Variants in TNRC6B observed in about 807,000 individuals in gnomAD.
TNRC6B encodes trinucleotide repeat containing adaptor 6B, also known as trinucleotide repeat-containing gene 6B protein.
In TNRC6B, 52 loss-of-function variants were observed where a neutral mutation model predicts 203.6. The ratio of observed to expected loss-of-function variants is 0.26; its 90% CI spans 0.20 to 0.32. The LOEUF is 0.32. TNRC6B is among the 10% of genes least tolerant of loss of function. The pLI is 1.00. For synonymous variants in TNRC6B, 838 were observed against 845.7 expected (o/e 0.99, Z 0.16); for missense variants, 1,923 against 2,286.2 (o/e 0.84, Z 3.24).
rs2070103193 is a variant in TNRC6B, at chr22:40,246,093, C to T, written c.84C>T (p.Ala28=). 3.9e-6 allele frequency: 6 copies of T among 1,548,068 alleles called. No individual in the cohort carries two copies. The Admixed American group carries it at 7.9e-5, about 20-fold the overall frequency. ...RKKEDKKKKE[A]TQKVTEQKTK... is the part of the protein sequence containing the mutation. Reference sequence around the variant, plus strand: ...AAGAGGATAAAAAGAAAAAAGAAGCCACTCAGAAGGTAGGTTTAATCAGTT... The same window carrying T: ...AAGAGGATAAAAAGAAAAAAGAAGCTACTCAGAAGGTAGGTTTAATCAGTT... Residue 28 remains alanine, a synonymous_variant, in exon 2 of 23, where the codon GCC becomes GCT. Transcript: ENST00000454349.
At chr22:40,280,750 A>T (rs1370990431) in intron 10 of TNRC6B, among the ~76,000 whole-genome samples, 1 of 152,242 alleles carries the variant, frequency 6.6e-6, no homozygotes, top group Non-Finnish European at 1.5e-5. Context: ...ACGTTTTGAC[A>T]CTGTTGTTGC....
chr22:40,210,821 T>C (rs1263800722), intron 1 of TNRC6B, among the ~76,000 whole-genome samples: 1 of 152,194 alleles, frequency 6.6e-6, no homozygotes, highest in African/African-American at 2.4e-5. Context: ...TTCAAAACCT[T>C]GGAAATGACA....
At chr22:40,105,129 T>G (rs2068272065) in intron 1 of TNRC6B, among the ~76,000 whole-genome samples, 1 of 152,024 alleles carries the variant, frequency 6.6e-6, no homozygotes, top group Admixed American at 6.6e-5. Flanking sequence ...AAAAGATGGG[T>G]GGTAAGGAAT....
chr22:40,301,401 A>T, intron 15 of TNRC6B, 68 bp downstream of exon 15: 1 of 1,474,098 alleles, frequency 6.8e-7, no homozygotes, highest in Non-Finnish European at 9.2e-7. Flanking sequence ...TAGGGGTTGC[A>T]CCTGCATTAC....
chr22:40,176,098 A>C (rs1601859981), upstream of TNRC6B, among the ~76,000 whole-genome samples: 1 of 150,178 alleles, frequency 6.7e-6, no homozygotes, highest in South Asian at 2.1e-4. Context: ...GGTGGAGTCG[A>C]TAGTCACAGG....
At chr22:40,295,728 G>GC (rs2070930180) in intron 12 of TNRC6B, among the ~76,000 whole-genome samples, 1 of 148,138 alleles carries the variant, frequency 6.8e-6, no homozygotes, top group Middle Eastern at 3.4e-3. Context: ...GCTGAGACTT[G>GC]CAAAAAAAAA....
At chr22:40,080,263 A>T (rs1342322478) in intron 1 of TNRC6B, among the ~76,000 whole-genome samples, 8 of 150,472 alleles carry the variant, frequency 5.3e-5, no homozygotes, top group Non-Finnish European at 7.4e-5. Context: ...TTTTTAATGG[A>T]TAACCAGTTG....
chr22:40,135,958 C>T (rs1049027284), intron 3 of TNRC6B, among the ~76,000 whole-genome samples: 2 of 152,130 alleles, frequency 1.3e-5, no homozygotes, highest in Non-Finnish European at 2.9e-5. Flanking sequence ...ATTTAATAGG[C>T]CTACTTCAGC....
At position 40,266,249 on chromosome 22, in the gene TNRC6B, C is replaced by T; in HGVS notation, c.2019C>T (p.Ser673=). ...SGGWGDAPSQ[S]NQMKSGWGEL... ...GCTGGGGAGATGCACCCAGCCAAAG[C>T]AATCAAATGAAGTCTGGATGGGGGG... The change falls in exon 5 of 23, where the codon AGC becomes AGT. Residue 673 remains serine (S), a synonymous_variant. Transcript: ENST00000454349. 6.3e-7 allele frequency: 1 copy of T among 1,599,120 alleles called. No homozygotes were observed. Among genetic ancestry groups the T allele is most frequent in the Non-Finnish European group, 8.5e-7 (1 of 1,172,420 alleles).
chr22:40,305,183 G>C (rs142212659), intron 15 of TNRC6B, among the ~76,000 whole-genome samples: 13 of 152,308 alleles, frequency 8.5e-5, no homozygotes, highest in African/African-American at 4.8e-5. Flanking sequence ...CAGGCAAAGG[G>C]TTGTCCTTGC....
chr22:40,099,506 C>A (rs755581303), intron 1 of TNRC6B, among the ~76,000 whole-genome samples: 1 of 152,196 alleles, frequency 6.6e-6, no homozygotes, highest in African/African-American at 2.4e-5. Flanking sequence ...TCCATGACTC[C>A]AATCAATCAT....
At chr22:40,100,367 GGC>G (rs772206699) in intron 1 of TNRC6B, among the ~76,000 whole-genome samples, 11 of 150,300 alleles carry the variant, frequency 7.3e-5, no homozygotes, top group Non-Finnish European at 1.5e-4. Flanking sequence ...TGGGATTACA[GGC>G]GTGACCACTG....
chr22:40,215,096 G>A (rs1432471328), intron 1 of TNRC6B, among the ~76,000 whole-genome samples: 1 of 151,444 alleles, frequency 6.6e-6, no homozygotes, highest in Non-Finnish European at 1.5e-5. Flanking sequence ...TTTCAAATAA[G>A]GATGTATCTT....
Position 40,310,924 on chromosome 22 carries a change from T to C in TNRC6B, c.4366T>C (p.Trp1456Arg), listed in dbSNP as rs771811203. 2 of 1,611,270 alleles carry C rather than the reference T, an allele frequency of 1.2e-6. No homozygotes were observed. Among genetic ancestry groups the C allele is most frequent in the East Asian group, 2.2e-5 (1 of 44,858 alleles). The change falls in exon 17 of 23, where the codon TGG becomes CGG. Residue 1456 changes from tryptophan to arginine, a missense_variant. This residue lies in a region of TNRC6B where 242 missense variants were observed against 399.5 expected (regional missense o/e 0.61). Transcript: ENST00000454349. ...GGHTGPAGDS[W>R]LPAKSPPTNK... The stretch of plus-strand genomic sequence containing the variant: ...CCATACGGGTCCTGCTGGTGATAGC[T>C]GGTTACCTGCCAAATCTCCACCAAC...
At chr22:40,132,086 G>A (rs541680196) in intron 3 of TNRC6B, among the ~76,000 whole-genome samples, 165 of 152,316 alleles carry the variant, frequency 1.1e-3, no homozygotes, top group Non-Finnish European at 1.7e-3. Flanking sequence ...AGTGGCTCAC[G>A]CCTGTAATCC....
intron 3 of TNRC6B, among the ~76,000 whole-genome samples, chr22:40,139,282 T>C (rs1430509287): frequency 6.6e-6 from 1 of 151,990 alleles, no homozygotes; most frequent in Non-Finnish European, 1.5e-5. Flanking sequence ...AGTGCCTCAG[T>C]CCTTTGAATG....
At chr22:40,149,941 G>C (rs1275309971) in intron 3 of TNRC6B, among the ~76,000 whole-genome samples, 1 of 151,976 alleles carries the variant, frequency 6.6e-6, no homozygotes, top group Non-Finnish European at 1.5e-5. Flanking sequence ...TGGAATTACA[G>C]GCATGAGCTA....
chr22:40,180,103 G>A (rs962648761), intron 1 of TNRC6B, among the ~76,000 whole-genome samples: 4 of 152,056 alleles, frequency 2.6e-5, no homozygotes, highest in African/African-American at 7.2e-5. Context: ...ATTTTTTTAC[G>A]GCTTGAATTT....
chr22:40,254,147 T>C (rs1173725802), intron 3 of TNRC6B, among the ~76,000 whole-genome samples: 1 of 152,302 alleles, frequency 6.6e-6, no homozygotes, highest in South Asian at 2.1e-4. Context: ...TAGAGCTGGC[T>C]TGCTACCAGG....
Sources: allele counts gnomAD v4.1 joint callset (sites outside exome capture counted in the v4.1 genomes callset), GRCh38; gene constraint gnomAD v4.1.1; regional missense constraint gnomAD v4.1.1; transcripts MANE v1.5; gene names NCBI Gene and HGNC (gene_info 2026-07-23, HGNC 2026-07-21).